OPN3: variants seen among roughly 807,000 people sequenced by gnomAD.
OPN3 encodes the protein opsin-3.
Under a neutral mutation model 33.8 loss-of-function variants are expected in OPN3, and 29 were observed. That is an observed-to-expected ratio of 0.86 (90% CI 0.64 to 1.17). OPN3 has a LOEUF of 1.17. Ranked by LOEUF, OPN3 falls within the 50% of genes most tolerant of loss-of-function variation. The pLI is 0.00. For synonymous variants in OPN3, 216 were observed against 216.1 expected (o/e 1.00, Z 0.00); for missense variants, 437 against 514.1 (o/e 0.85, Z 1.45).
rs80177216 is a variant in OPN3 at position 241,616,669 on chromosome 1, T to C, written c.374-12090A>G. ...TTATATACACATGACCATGTTTCTT[T>C]CCAAATAACAAGGAAAAATCCTGGA... is the stretch of plus-strand genomic sequence containing the variant. On this transcript the variant is annotated intron_variant, in intron 1 of 3. Transcript: ENST00000366554. 6.1e-4 allele frequency among the ~76,000 whole-genome samples: 93 copies of C among 152,258 alleles called. No individual in the cohort carries two copies. In the East Asian group the frequency reaches 0.017, roughly 28 times the overall value.
At chr1:241,611,130 A>G (rs554102440) in intron 1 of OPN3, among the ~76,000 whole-genome samples, 1 of 152,288 alleles carries the variant, frequency 6.6e-6, no homozygotes, top group African/African-American at 2.4e-5. Context: ...TATTAATACA[A>G]GGTGTGTTTA....
intron 2 of OPN3, among the ~76,000 whole-genome samples, chr1:241,599,616 T>C (rs1412595587): frequency 1.3e-5 from 2 of 152,168 alleles, no homozygotes; most frequent in African/African-American, 4.8e-5. Flanking sequence ...AATATTTTTC[T>C]ATTTTCAAAA....
chr1:241,628,751 T>A (rs952965300), intron 1 of OPN3: 1 of 152,212 alleles, frequency 6.6e-6, no homozygotes, highest in African/African-American at 2.4e-5. Flanking sequence ...GCCACACATA[T>A]CTGAAGATGA....
chr1:241,603,149 G>C (rs937737507), intron 2 of OPN3, among the ~76,000 whole-genome samples: 1 of 152,040 alleles, frequency 6.6e-6, no homozygotes, highest in Non-Finnish European at 1.5e-5. Flanking sequence ...GGGGGTGGGG[G>C]AGCAATCAGA....
intron 2 of OPN3, among the ~76,000 whole-genome samples, chr1:241,599,864 G>A (rs1663634356): frequency 6.6e-6 from 1 of 152,238 alleles, no homozygotes; most frequent in East Asian, 1.9e-4. Context: ...ACTTTGTGGG[G>A]TTGTTTTTGA....
intron 1 of OPN3, among the ~76,000 whole-genome samples, chr1:241,605,786 G>A (rs1663814928): frequency 6.6e-6 from 1 of 152,152 alleles, no homozygotes; most frequent in Non-Finnish European, 1.5e-5. Flanking sequence ...GACACCAAGG[G>A]GTCTATAAAC....
At chr1:241,618,342 C>A (rs1558442251) in intron 1 of OPN3, among the ~76,000 whole-genome samples, 2 of 152,214 alleles carry the variant, frequency 1.3e-5, no homozygotes, top group African/African-American at 4.8e-5. Flanking sequence ...AGGCTCTGCC[C>A]TTGAAAATAC....
At chr1:241,614,340 T>A (rs1394228856) in intron 1 of OPN3, among the ~76,000 whole-genome samples, 2 of 152,000 alleles carry the variant, frequency 1.3e-5, no homozygotes, top group South Asian at 2.1e-4. Context: ...GCAGGCCACA[T>A]GCTGTGGTCT....
intron 1 of OPN3, chr1:241,635,679 T>C (rs1389700444): frequency 2.5e-6 from 4 of 1,613,972 alleles, no homozygotes; most frequent in Non-Finnish European, 3.4e-6. Context: ...CTCTGACCAC[T>C]TCTTGAACAT....
chr1:241,604,512 T>C lies in OPN3; in HGVS notation c.441A>G (p.Arg147=). Residue 147 remains arginine (R), a synonymous_variant, in exon 2 of 4, where the codon AGA becomes AGG. Coordinates refer to ENST00000366554, the MANE Select transcript of OPN3 (RefSeq NM_014322.3). ...YERYIRVVHA[R]VINFSWAWRA... ...TCCAGGCCCAGGAAAAATTGATCAC[T>C]CTGGCATGGACCACGCGAATGTAAC... is the stretch of plus-strand genomic sequence containing the variant. 6.2e-7 allele frequency: 1 copy of C among 1,614,050 alleles called. No individual in the cohort carries two copies. The highest frequency in any genetic ancestry group is 8.5e-7 in the Non-Finnish European group (1 of 1,180,024).
At chr1:241,639,672 G>C (rs987267012) in intron 1 of OPN3, among the ~76,000 whole-genome samples, 15 of 151,804 alleles carry the variant, frequency 9.9e-5, no homozygotes, top group Non-Finnish European at 1.8e-4. Context: ...GGGGCGGGAG[G>C]GGACGGAGGA....
intron 1 of OPN3, chr1:241,634,907 T>C (rs2148028129): frequency 6.2e-7 from 1 of 1,611,284 alleles, no homozygotes; most frequent in South Asian, 1.1e-5. Context: ...GGTGAGTTCC[T>C]TGCTATTAAA....
intron 1 of OPN3, among the ~76,000 whole-genome samples, chr1:241,612,572 C>T (rs1417864983): frequency 6.6e-6 from 1 of 152,162 alleles, no homozygotes; most frequent in East Asian, 1.9e-4. Context: ...ATTATGAGGT[C>T]AGCTTGCTCT....
In OPN3 at chr1:241,598,078, ACACCAT is replaced by A. The variant is rs1174940722; in HGVS notation, c.694-87_694-82del. ...TGTTGTTTTTATAACAGATATTCAG[ACACCAT>A]TCTTGGCCCCACCTAAATGGAAAGA... On this transcript the variant is annotated intron_variant, in intron 2 of 3. Transcript: ENST00000366554. 7 of 1,466,810 alleles carry A rather than the reference ACACCAT, an allele frequency of 4.8e-6. No individual in the cohort carries two copies. The African/African-American group carries it at 1.0e-4, about 21-fold the overall frequency. The allele number at this position is 1,466,810 out of a possible 1,614,324, so 90.9% of individuals were successfully genotyped here.
rs767748171 is a variant in OPN3, at chr1:241,634,042, A to G, written c.373+5840T>C. 1.8e-5 allele frequency: 29 copies of G among 1,613,116 alleles called. 1 individual carries two copies. The Admixed American group carries it at 4.8e-4, about 27-fold the overall frequency. ...GGCCACAGTCAGGCCCAGAGCAGAC[A>G]TAAACATTGGAAGGCAAGCCATTAT... On this transcript the variant is annotated intron_variant, in intron 1 of 3. Transcript: ENST00000366554.
intron 1 of OPN3, among the ~76,000 whole-genome samples, chr1:241,622,247 A>T (rs1664286812): frequency 6.6e-6 from 1 of 152,216 alleles, no homozygotes; most frequent in Admixed American, 6.5e-5. Context: ...AGTACTTGGC[A>T]TATGTTACAC....
At chr1:241,633,509 T>C (rs1330091575) in intron 1 of OPN3, 4 of 326,308 alleles carry the variant, frequency 1.2e-5, no homozygotes, top group Non-Finnish European at 2.2e-5. Context: ...GAGTTGCTAA[T>C]ATGGAACCCT....
Position 241,640,360 on chromosome 1 carries a change from A to G in OPN3, c.-106T>C. On this transcript the variant is annotated 5_prime_UTR_variant, in exon 1 of 4. It removes an upstream start codon present in the reference 5' UTR. Coordinates refer to ENST00000366554, the MANE Select transcript of OPN3 (RefSeq NM_014322.3). ...TGGGGCTCCGCCGCCTGCTCTAGCC[A>G]TTGTGCACTGAGGGGCCCGCGCTAC... The G allele has an allele frequency of 5.8e-6, 6 of 1,033,004 alleles. No homozygotes were observed. Among genetic ancestry groups the G allele is most frequent in the Non-Finnish European group, 4.7e-6 (4 of 858,850 alleles). 64.0% of individuals were successfully genotyped at this position (1,033,004 alleles called of 1,614,324 possible). A position where few individuals can be genotyped will look rare whatever the true frequency, so the allele number is the denominator to read the frequency against.
In OPN3 at chr1:241,604,043, G is replaced by T. The variant is rs188007465; in HGVS notation, c.693+217C>A. 5.3e-5 allele frequency among the ~76,000 whole-genome samples: 8 copies of T among 152,160 alleles called. No homozygotes were observed. In the East Asian group the frequency reaches 1.5e-3, roughly 29 times the overall value. On this transcript the variant is annotated intron_variant, in intron 2 of 3. Coordinates refer to ENST00000366554, the MANE Select transcript of OPN3 (RefSeq NM_014322.3). ...CAGAAGATTTTTCTTTCCTTCTTTTGGTTGAGAGAGGGATGTAGAGAGAGT... is the reference window on the plus strand; with the variant it reads ...CAGAAGATTTTTCTTTCCTTCTTTTTGTTGAGAGAGGGATGTAGAGAGAGT...
Sources: gnomAD v4.1 joint callset for allele counts (sites outside exome capture counted in the v4.1 genomes callset) on GRCh38, gnomAD v4.1.1 for gene constraint, MANE v1.5 for transcripts, NCBI Gene and HGNC (gene_info 2026-07-23, HGNC 2026-07-21) for gene names.